The following GRIN2B variants were observed in gnomAD, a reference collection of about 807,000 sequenced individuals.
GRIN2B encodes the protein glutamate receptor ionotropic, NMDA 2B.
In GRIN2B, 5 loss-of-function variants were observed where a neutral mutation model predicts 114.5. The ratio of observed to expected loss-of-function variants is 0.04; its 90% CI spans 0.02 to 0.09. GRIN2B has a LOEUF of 0.09. GRIN2B is among the 10% of genes least tolerant of loss of function. GRIN2B has a pLI of 1.00. For missense variants in GRIN2B, 1,108 were observed against 1,943.5 expected (o/e 0.57, Z 8.08); for synonymous variants, 787 against 745.1 (o/e 1.06, Z -0.92).
At chr12:13,622,171 G>A (rs1230857582) in intron 5 of GRIN2B, among the ~76,000 whole-genome samples, 8 of 152,192 alleles carry the variant, frequency 5.3e-5, no homozygotes, top group South Asian at 4.1e-4. Flanking sequence ...CTCTTTAGGC[G>A]TCAAAGGTTA....
chr12:13,892,520 A>C (rs1338477207), intron 2 of GRIN2B, among the ~76,000 whole-genome samples: 1 of 152,238 alleles, frequency 6.6e-6, no homozygotes, highest in East Asian at 1.9e-4. Context: ...AGCACCCAAG[A>C]TTCCTGGATA....
At position 13,548,947 on chromosome 12, in the gene GRIN2B, A is replaced by C. The variant is rs1948379419; in HGVS notation, c.*13836T>G. 6.6e-6 allele frequency: 1 copy of C among 151,774 alleles called. No homozygotes were observed. Among genetic ancestry groups the C allele is most frequent in the South Asian group, 2.1e-4 (1 of 4,800 alleles). 9.4% of individuals were successfully genotyped at this position (151,774 alleles called of 1,614,324 possible). On this transcript the variant is annotated 3_prime_UTR_variant, in exon 14 of 14. Coordinates refer to ENST00000609686, the MANE Select transcript of GRIN2B (RefSeq NM_000834.5). ...AGTCTCCTCACTCATTCATCTAAGG[A>C]CTTTTCCATCTTCCTACCTCCTCTC...
intron 10 of GRIN2B, among the ~76,000 whole-genome samples, chr12:13,591,110 G>A (rs114452091): frequency 0.011 from 1,606 of 152,238 alleles, 23 homozygotes; most frequent in African/African-American, 0.034. Flanking sequence ...ACTGCAACTC[G>A]CCTGCTGCCC....
At chr12:13,698,207 T>C (rs572685879) in intron 4 of GRIN2B, among the ~76,000 whole-genome samples, 3 of 152,298 alleles carry the variant, frequency 2.0e-5, no homozygotes, top group South Asian at 4.1e-4. Context: ...TGCAATACCA[T>C]GCGGTGGAGT....
chr12:13,846,034 C>T (rs904899595), intron 3 of GRIN2B, among the ~76,000 whole-genome samples: 1 of 152,226 alleles, frequency 6.6e-6, no homozygotes, highest in Non-Finnish European at 1.5e-5. Context: ...TCAACATTCT[C>T]TTCTCATGGA....
intron 10 of GRIN2B, among the ~76,000 whole-genome samples, chr12:13,602,679 A>G (rs11055536): frequency 0.075 from 11,448 of 152,234 alleles, 605 homozygotes; most frequent in South Asian, 0.13. Flanking sequence ...TATATCCCAA[A>G]AGAATATGAA....
chr12:13,874,284 C>G (rs981066073), intron 2 of GRIN2B, among the ~76,000 whole-genome samples: 5 of 152,240 alleles, frequency 3.3e-5, no homozygotes, highest in African/African-American at 1.2e-4. Context: ...TCTATCTGAG[C>G]TGTTCTTTCC....
At chr12:13,589,299 G>C (rs1368902571) in intron 10 of GRIN2B, among the ~76,000 whole-genome samples, 1 of 152,228 alleles carries the variant, frequency 6.6e-6, no homozygotes, top group African/African-American at 2.4e-5. Flanking sequence ...AATGAGGACA[G>C]GAGCAGGATT....
intron 10 of GRIN2B, among the ~76,000 whole-genome samples, chr12:13,595,104 G>A (rs150031251): frequency 1.6e-3 from 239 of 152,310 alleles, no homozygotes; most frequent in Admixed American, 1.6e-3. Context: ...CAAGGTAACA[G>A]GGTGAAGCAG....
intron 3 of GRIN2B, among the ~76,000 whole-genome samples, chr12:13,782,788 T>C (rs1291929167): frequency 1.3e-5 from 2 of 152,176 alleles, no homozygotes; most frequent in Non-Finnish European, 2.9e-5. Context: ...CCCATCACAC[T>C]CCTTGCCTCA....
In GRIN2B at chr12:13,556,719, C is replaced by T. The variant is rs771554547; in HGVS notation, c.*6064G>A. On this transcript the variant is annotated 3_prime_UTR_variant, in exon 14 of 14. Transcript: ENST00000609686. ...GATTCTACACACCAGAGTGCCAAGGCTCTGAGGAATTCTACTCATCTACTC... is the reference window on the plus strand; with the variant it reads ...GATTCTACACACCAGAGTGCCAAGGTTCTGAGGAATTCTACTCATCTACTC... 6.6e-6 allele frequency: 1 copy of T among 152,184 alleles called. No individual in the cohort carries two copies. The highest frequency in any genetic ancestry group is 1.5e-5 in the Non-Finnish European group (1 of 68,032). The allele number at this position is 152,184 out of a possible 1,614,324, so 9.4% of individuals were successfully genotyped here.
chr12:13,797,942 C>T (rs1388747238), intron 3 of GRIN2B, among the ~76,000 whole-genome samples: 1 of 152,206 alleles, frequency 6.6e-6, no homozygotes. Context: ...TCACACATCT[C>T]CTACCTATAA....
intron 2 of GRIN2B, among the ~76,000 whole-genome samples, chr12:13,938,528 G>A (rs762492924): frequency 2.0e-5 from 3 of 152,028 alleles, no homozygotes; most frequent in Non-Finnish European, 2.9e-5. Context: ...ACAAATTGTG[G>A]TATATTCATA....
chr12:13,865,735 C>T (rs1213690665), intron 3 of GRIN2B, 63 bp downstream of exon 3: 1 of 1,359,266 alleles, frequency 7.4e-7, no homozygotes, highest in Non-Finnish European at 1.1e-6. Flanking sequence ...TACAGGAAAA[C>T]AAATGCATGG....
chr12:13,941,116 G>A (rs1013359858), intron 2 of GRIN2B, among the ~76,000 whole-genome samples: 3 of 151,956 alleles, frequency 2.0e-5, no homozygotes, highest in Admixed American at 6.6e-5. Flanking sequence ...TAGGAGGGTG[G>A]GTAGACAGGG....
chr12:13,625,636 T>A (rs1281982758), intron 5 of GRIN2B, among the ~76,000 whole-genome samples: 1 of 152,212 alleles, frequency 6.6e-6, no homozygotes, highest in Non-Finnish European at 1.5e-5. Flanking sequence ...GCAAGTGGCT[T>A]GCAATTGTCA....
intron 9 of GRIN2B, 49 bp from the exon 10 acceptor site, chr12:13,608,881 T>C: frequency 7.2e-7 from 1 of 1,383,904 alleles, no homozygotes; most frequent in South Asian, 1.2e-5. Flanking sequence ...TGTGGCTGGT[T>C]CTGTTGAAAC....
intron 5 of GRIN2B, among the ~76,000 whole-genome samples, chr12:13,674,022 C>A (rs1950047096): frequency 6.6e-6 from 1 of 152,066 alleles, no homozygotes; most frequent in Admixed American, 6.6e-5. Flanking sequence ...ACAACCATTT[C>A]TGAACAAATG....
chr12:13,702,970 G>A (rs977026771), intron 4 of GRIN2B, among the ~76,000 whole-genome samples: 8 of 152,082 alleles, frequency 5.3e-5, no homozygotes, highest in African/African-American at 9.7e-5. Flanking sequence ...CATGAACATC[G>A]GTCATAGCAT....
Sources: allele counts gnomAD v4.1 joint callset (sites outside exome capture counted in the v4.1 genomes callset), GRCh38; gene constraint gnomAD v4.1.1; transcripts MANE v1.5; gene names NCBI Gene and HGNC (gene_info 2026-07-23, HGNC 2026-07-21).